LMAN1: variants seen among roughly 807,000 people sequenced by gnomAD.
LMAN1 encodes lectin, mannose binding 1, also known as protein ERGIC-53.
LMAN1 carries 32 observed loss-of-function variants against 67.8 expected under a neutral mutation model. That is an observed-to-expected ratio of 0.47 (90% confidence interval 0.36 to 0.63). The LOEUF (loss-of-function observed/expected upper bound fraction) is 0.63. LMAN1 is among the 30% of genes least tolerant of loss of function. The pLI, the probability that LMAN1 is intolerant of heterozygous loss-of-function variation, is 0.00. For synonymous variants in LMAN1, 235 were observed against 219.3 expected (o/e 1.07, Z -0.63); for missense variants, 632 against 628.2 (o/e 1.01, Z -0.06).
chr18:59,358,918 T>C lies in LMAN1; in HGVS notation c.214+113A>G, dbSNP rs570790820. On this transcript the variant is annotated intron_variant, in intron 1 of 12. Coordinates refer to ENST00000251047, the MANE Select transcript of LMAN1 (RefSeq NM_005570.4). ...AGGGTCCCCTCCACAGCGCATATGG[T>C]GTGCAGCTGCTGGAACGGGAACCTC... The C allele has an allele frequency of 3.5e-5, 37 of 1,067,170 alleles. 1 individual carries two copies. In the Admixed American group the frequency reaches 5.4e-4, roughly 16 times the overall value. The allele number at this position is 1,067,170 out of a possible 1,614,324, so 66.1% of individuals were successfully genotyped here.
chr18:59,339,466 C>G (rs1399908018), intron 8 of LMAN1, among the ~76,000 whole-genome samples: 1 of 152,138 alleles, frequency 6.6e-6, no homozygotes, highest in African/African-American at 2.4e-5. Flanking sequence ...CCCCAGGGCC[C>G]TGCAGTCCAA....
In LMAN1 at chr18:59,346,524, C is replaced by T. The variant is rs1478168926; in HGVS notation, c.823-473G>A. ...ACAGGCGTGAACCACCGCGCCTGGC[C>T]CTTTTTTCTTTTTTGAGATGGACTC... On this transcript the variant is annotated intron_variant, in intron 7 of 12. Transcript: ENST00000251047. Among the ~76,000 whole-genome samples the T allele has an allele frequency of 6.0e-5, 9 of 150,962 alleles. No individual in the cohort carries two copies. The East Asian group carries it at 9.9e-4, about 17-fold the overall frequency.
intron 1 of LMAN1, among the ~76,000 whole-genome samples, chr18:59,358,238 A>C (rs990622182): frequency 6.6e-6 from 1 of 152,252 alleles, no homozygotes; most frequent in Non-Finnish European, 1.5e-5. Context: ...AGAGTGAATA[A>C]AATATGAACC....
chr18:59,357,396 G>C (rs1276235242), intron 1 of LMAN1, among the ~76,000 whole-genome samples: 1 of 152,188 alleles, frequency 6.6e-6, no homozygotes, highest in African/African-American at 2.4e-5. Context: ...TAGAAGAACA[G>C]GCAGGCAGTG....
intron 5 of LMAN1, among the ~76,000 whole-genome samples, chr18:59,349,587 G>A (rs1273655795): frequency 6.6e-6 from 1 of 152,140 alleles, no homozygotes; most frequent in Admixed American, 6.5e-5. Context: ...CCCAGTGACA[G>A]CTAAAACCAA....
At chr18:59,350,945 T>G (rs539412090) in intron 5 of LMAN1, among the ~76,000 whole-genome samples, 1 of 152,212 alleles carries the variant, frequency 6.6e-6, no homozygotes, top group African/African-American at 2.4e-5. Flanking sequence ...ATTCACCTTA[T>G]GGTTTCAAAC....
intron 1 of LMAN1, among the ~76,000 whole-genome samples, chr18:59,356,717 C>A (rs1908667818): frequency 6.6e-6 from 1 of 152,152 alleles, no homozygotes; most frequent in Non-Finnish European, 1.5e-5. Context: ...ATCAGAAGAC[C>A]TAGATTTGAG....
At chr18:59,338,729 T>C in intron 9 of LMAN1, 31 bp downstream of exon 9, 1 of 1,612,304 alleles carries the variant, frequency 6.2e-7, no homozygotes, top group Non-Finnish European at 8.5e-7. Context: ...AAAGGGTAAA[T>C]GGGGCACATC....
At position 59,359,035 on chromosome 18, in the gene LMAN1, C is replaced by T. The variant is rs1908732711; in HGVS notation, c.210G>A (p.Ala70=). 6 of 1,613,762 alleles carry T rather than the reference C, an allele frequency of 3.7e-6. No homozygotes were observed. Among genetic ancestry groups the T allele is most frequent in the Non-Finnish European group, 4.2e-6 (5 of 1,179,964 alleles). ...SDGTVPFWAH[A]GNAIPSSDQI... is the part of the protein sequence containing the mutation. ...CAGCCCTCTGCTCCGGCTTACTCCC[C>T]GCGTGGGCCCAGAAGGGCACGGTCC... The change falls in exon 1 of 13, where the codon GCG becomes GCA. Residue 70 remains alanine, a synonymous_variant. Coordinates refer to ENST00000251047, the MANE Select transcript of LMAN1 (RefSeq NM_005570.4).
At position 59,353,030 on chromosome 18, in the gene LMAN1, C is replaced by T. The variant is rs1360739163; in HGVS notation, c.639+172G>A. 3 of 630,244 alleles carry T rather than the reference C, an allele frequency of 4.8e-6. No individual in the cohort carries two copies. The Admixed American group carries it at 6.4e-5, about 13-fold the overall frequency. The allele number at this position is 630,244 out of a possible 1,614,324, so 39.0% of individuals were successfully genotyped here. On this transcript the variant is annotated intron_variant, in intron 5 of 12. Transcript: ENST00000251047. ...GAAACATACCATCAGGGGTTTACAA[C>T]AGATGACCACTTACACTGAGCTGTG...
intron 8 of LMAN1, among the ~76,000 whole-genome samples, chr18:59,339,279 G>C (rs1908234563): frequency 6.6e-6 from 1 of 152,178 alleles, no homozygotes; most frequent in African/African-American, 2.4e-5. Context: ...AGAAAAACCA[G>C]AGTAGTAAGT....
intron 10 of LMAN1, chr18:59,333,750 T>C (rs1447680635): frequency 1.3e-5 from 2 of 152,112 alleles, no homozygotes; most frequent in African/African-American, 4.8e-5. Context: ...TCTGATTTCC[T>C]ACGAGTGCAT....
chr18:59,350,239 T>C (rs1603395692), intron 5 of LMAN1, among the ~76,000 whole-genome samples: 1 of 152,254 alleles, frequency 6.6e-6, no homozygotes, highest in East Asian at 1.9e-4. Flanking sequence ...ATTTGGTTCA[T>C]ATTAATATGT....
intron 10 of LMAN1, 142 bp from the exon 11 acceptor site, chr18:59,333,386 G>T: frequency 3.1e-6 from 2 of 651,548 alleles, no homozygotes; most frequent in Non-Finnish European, 5.1e-6. Context: ...TTTAAAAATC[G>T]AGTTGTGTTC....
chr18:59,331,712 T>A (rs914056197), intron 11 of LMAN1, 173 bp from the exon 12 acceptor site: 3 of 644,232 alleles, frequency 4.7e-6, no homozygotes, highest in Middle Eastern at 8.4e-4. Context: ...TTTGAAGGAG[T>A]AGTTGACACT....
At chr18:59,358,809 GAA>G (rs1363278251) in intron 1 of LMAN1, among the ~76,000 whole-genome samples, 1 of 152,188 alleles carries the variant, frequency 6.6e-6, no homozygotes, top group Non-Finnish European at 1.5e-5. Flanking sequence ...GGGTGAGAGA[GAA>G]CAGAATGGGT....
chr18:59,358,935 G>C, intron 1 of LMAN1, 96 bp downstream of exon 1: 3 of 1,252,618 alleles, frequency 2.4e-6, no homozygotes, highest in Non-Finnish European at 3.5e-6. Context: ...CTGCTGGAAC[G>C]GGAACCTCAG....
chr18:59,343,054 TA>T (rs34207759), intron 8 of LMAN1, among the ~76,000 whole-genome samples: 163 of 120,970 alleles, frequency 1.3e-3, no homozygotes, highest in East Asian at 2.7e-3. Flanking sequence ...TTACAACAGC[TA>T]AAAAAAAAAA....
intron 10 of LMAN1, among the ~76,000 whole-genome samples, chr18:59,337,172 AATTAT>A (rs1416406555): frequency 1.7e-4 from 25 of 148,278 alleles, no homozygotes; most frequent in Non-Finnish European, 3.7e-4. Context: ...TAATATATAT[AATTAT>A]ATTATATAAC....
Sources: gnomAD v4.1 joint callset for allele counts (sites outside exome capture counted in the v4.1 genomes callset) on GRCh38, gnomAD v4.1.1 for gene constraint, MANE v1.5 for transcripts, NCBI Gene and HGNC (gene_info 2026-07-23, HGNC 2026-07-21) for gene names.